Variants in CLDN12 observed in about 807,000 individuals in gnomAD.
CLDN12 encodes the protein claudin 12.
In CLDN12, 9 loss-of-function variants were observed where a neutral mutation model predicts 15.5. The ratio of observed to expected loss-of-function variants is 0.58; its 90% CI spans 0.35 to 1.02. The LOEUF (loss-of-function observed/expected upper bound fraction) is 1.02. Among genes scored for constraint, CLDN12 ranks in the 50% least tolerant of loss-of-function variants. The pLI, the probability that CLDN12 is intolerant of heterozygous loss-of-function variation, is 0.02. For missense variants in CLDN12, 233 were observed against 297.3 expected (o/e 0.78, Z 1.59); for synonymous variants, 140 against 121.6 (o/e 1.15, Z -1.00).
At chr7:90,405,809 T>G (rs1796823755) in intron 2 of CLDN12, 1 of 152,194 alleles carries the variant, frequency 6.6e-6, no homozygotes, top group Non-Finnish European at 1.5e-5. Flanking sequence ...CCATCAAGAA[T>G]TAAGTTAGGG....
Position 90,403,513 on chromosome 7 carries a change from G to T in CLDN12, c.-203G>T, listed in dbSNP as rs926736878. On this transcript the variant is annotated 5_prime_UTR_variant, in exon 1 of 4. Transcript: ENST00000496677. ...GGGAGACGCTCCAAGAGGCTCCTCA[G>T]TGTGGGCGAGTAAAATGCCCTGCGT... 3 of 152,234 alleles carry T rather than the reference G, an allele frequency of 2.0e-5. No individual in the cohort carries two copies. Among genetic ancestry groups the T allele is most frequent in the African/African-American group, 7.2e-5 (3 of 41,456 alleles). 9.4% of individuals were successfully genotyped at this position (152,234 alleles called of 1,614,324 possible). A position where few individuals can be genotyped will look rare whatever the true frequency, so the allele number is the denominator to read the frequency against.
At position 90,413,984 on chromosome 7, in the gene CLDN12, G is replaced by C. The variant is rs1205265446; in HGVS notation, c.*573G>C. On this transcript the variant is annotated 3_prime_UTR_variant, in exon 4 of 4. Coordinates refer to ENST00000496677, the MANE Select transcript of CLDN12 (RefSeq NM_001185072.3). The stretch of plus-strand genomic sequence containing the variant: ...TTCTACCTCATGCCACTGTTTAAAA[G>C]TAAAACGTATTTTAACGATGTTAGA... The C allele has an allele frequency of 2.0e-6, 2 of 981,350 alleles. No individual in the cohort carries two copies. Among genetic ancestry groups the C allele is most frequent in the African/African-American group, 3.5e-5 (2 of 56,864 alleles). The allele number at this position is 981,350 out of a possible 1,614,324, so 60.8% of individuals were successfully genotyped here.
chr7:90,405,036 G>T (rs1411738282), intron 1 of CLDN12, among the ~76,000 whole-genome samples: 1 of 151,880 alleles, frequency 6.6e-6, no homozygotes, highest in Non-Finnish European at 1.5e-5. Flanking sequence ...GGGACAACAC[G>T]TGTGCACCAT....
In CLDN12 at chr7:90,406,825, A is replaced by G. The variant is rs577903573; in HGVS notation, c.-77+1217A>G. On this transcript the variant is annotated intron_variant, in intron 2 of 3. Transcript: ENST00000496677. ...AGCTCAAAGCTCTCATCCAGCTAGT[A>G]CTCATGACTGCTTGACAGATTTGTT... 3.5e-4 allele frequency among the ~76,000 whole-genome samples: 53 copies of G among 152,268 alleles called. No homozygotes were observed. The Middle Eastern group carries it at 0.01, about 29-fold the overall frequency.
intron 3 of CLDN12, 21 bp from the exon 4 acceptor site, chr7:90,412,623 C>G: frequency 6.4e-7 from 1 of 1,567,092 alleles, no homozygotes; most frequent in South Asian, 1.2e-5. Flanking sequence ...ATGATTTGTC[C>G]TCTTGTGTGT....
intron 2 of CLDN12, 109 bp from the exon 3 acceptor site, chr7:90,411,898 A>G (rs1796971375): frequency 6.6e-6 from 1 of 152,230 alleles, no homozygotes; most frequent in Admixed American, 6.5e-5. Context: ...CACTTGGCAT[A>G]GCATTTGTTG....
At position 90,415,198 on chromosome 7, in the gene CLDN12, T is replaced by C. The variant is rs1176630485; in HGVS notation, c.*1787T>C. ...AGTAGAAAGCACACAAGGTTATGAT[T>C]TTTTTAATTACTGGCTTCTGATTTC... is the stretch of plus-strand genomic sequence containing the variant. On this transcript the variant is annotated 3_prime_UTR_variant, in exon 4 of 4. Coordinates refer to ENST00000496677, the MANE Select transcript of CLDN12 (RefSeq NM_001185072.3). The C allele has an allele frequency of 1.2e-4, 19 of 165,180 alleles. No individual in the cohort carries two copies. 10.2% of individuals were successfully genotyped at this position (165,180 alleles called of 1,614,324 possible).
chr7:90,413,936 G>T lies in CLDN12; in HGVS notation c.*525G>T. The T allele has an allele frequency of 6.0e-6, 6 of 996,472 alleles. No homozygotes were observed. Among genetic ancestry groups the T allele is most frequent in the Non-Finnish European group, 7.3e-6 (6 of 827,166 alleles). 61.7% of individuals were successfully genotyped at this position (996,472 alleles called of 1,614,324 possible). A position where few individuals can be genotyped will look rare whatever the true frequency, so the allele number is the denominator to read the frequency against. On this transcript the variant is annotated 3_prime_UTR_variant, in exon 4 of 4. Transcript: ENST00000496677. The stretch of plus-strand genomic sequence containing the variant: ...TATGAATAGGTGTCAGTATGTTGAA[G>T]ATTACTTTCTTTTGTGACTTTCTTC...
At chr7:90,410,672 AAAAG>A (rs1796940263) in intron 2 of CLDN12, among the ~76,000 whole-genome samples, 1 of 152,120 alleles carries the variant, frequency 6.6e-6, no homozygotes, top group African/African-American at 2.4e-5. Flanking sequence ...CCATGTCTCT[AAAAG>A]AAAGAAAAGA....
Position 90,413,325 on chromosome 7 carries a change from A to G in CLDN12, c.649A>G (p.Met217Val), listed in dbSNP as rs747335564. 4 of 1,614,142 alleles carry G rather than the reference A, an allele frequency of 2.5e-6. No individual in the cohort carries two copies. The Admixed American group carries it at 6.7e-5, about 27-fold the overall frequency. ...WQPLYSHPPS[M>V]HTYSQPYSAR... is the part of the protein sequence containing the mutation. The stretch of plus-strand genomic sequence containing the variant: ...ACCATTGTACTCCCATCCACCCAGT[A>G]TGCATACTTACTCACAGCCCTATTC... Residue 217 changes from methionine (M) to valine (V), a missense_variant, in exon 4 of 4, where the codon ATG (methionine) becomes GTG (valine). Transcript: ENST00000496677.
rs760268284 is a variant in CLDN12, at chr7:90,413,902, G to A, written c.*491G>A. ...CTTAAGGCTGTAACTCTTCTATCGG[G>A]GCTAATTGTATGAATAGGTGTCAGT... On this transcript the variant is annotated 3_prime_UTR_variant, in exon 4 of 4. Transcript: ENST00000496677. 3 of 998,434 alleles carry A rather than the reference G, an allele frequency of 3.0e-6. No individual in the cohort carries two copies. Among genetic ancestry groups the A allele is most frequent in the Non-Finnish European group, 3.6e-6 (3 of 828,974 alleles). 61.8% of individuals were successfully genotyped at this position (998,434 alleles called of 1,614,324 possible). A position where few individuals can be genotyped will look rare whatever the true frequency, so the allele number is the denominator to read the frequency against.
At position 90,412,901 on chromosome 7, in the gene CLDN12, C is replaced by A; in HGVS notation, c.225C>A (p.Tyr75Ter). Residue 75 changes from tyrosine (Y) to a stop codon, truncating the protein, a stop_gained, in exon 4 of 4, where the codon TAC becomes TAA. Transcript: ENST00000496677. LOFTEE classifies it high-confidence loss of function. Reference sequence around the variant, plus strand: ...GCCTGATGTACGACACTACTTGGTACTCATCAGTTGACCAGCTGGACCTGC... The same window carrying A: ...GCCTGATGTACGACACTACTTGGTAATCATCAGTTGACCAGCTGGACCTGC... ...SDCLMYDTTW[Y>*]SSVDQLDLRV... 6.2e-7 allele frequency: 1 copy of A among 1,614,210 alleles called. No individual in the cohort carries two copies. Among genetic ancestry groups the A allele is most frequent in the Non-Finnish European group, 8.5e-7 (1 of 1,180,044 alleles).
At chr7:90,407,016 A>T (rs1392889086) in intron 2 of CLDN12, among the ~76,000 whole-genome samples, 1 of 152,142 alleles carries the variant, frequency 6.6e-6, no homozygotes, top group Non-Finnish European at 1.5e-5. Context: ...CTAATTCATG[A>T]CATACCTGTT....
In CLDN12 at chr7:90,413,099, C is replaced by T; in HGVS notation, c.423C>T (p.Phe141=). The part of the protein sequence containing the change: ...GCHLVAGLLF[F]LAGTVSLSPS... ...ACCTGGTGGCTGGGCTGCTATTTTTCCTGGCAGGTACTGTGAGCCTCTCCC... is the reference window on the plus strand; with the variant it reads ...ACCTGGTGGCTGGGCTGCTATTTTTTCTGGCAGGTACTGTGAGCCTCTCCC... The change falls in exon 4 of 4, where the codon TTC becomes TTT. Residue 141 remains phenylalanine, a synonymous_variant. Coordinates refer to ENST00000496677, the MANE Select transcript of CLDN12 (RefSeq NM_001185072.3). The T allele has an allele frequency of 6.2e-7, 1 of 1,614,192 alleles. No homozygotes were observed. The highest frequency in any genetic ancestry group is 8.5e-7 in the Non-Finnish European group (1 of 1,180,030).
At position 90,413,229 on chromosome 7, in the gene CLDN12, C is replaced by A; in HGVS notation, c.553C>A (p.Leu185Met). ...VYVTIASAGG[L>M]FMTSLILFIW... ...TGTCACTATTGCTAGTGCTGGGGGC[C>A]TGTTTATGACTTCCCTTATACTATT... Residue 185 changes from leucine to methionine, a missense_variant, in exon 4 of 4, where the codon CTG becomes ATG. Transcript: ENST00000496677. 1 of 1,614,128 alleles carries A rather than the reference C, an allele frequency of 6.2e-7. No homozygotes were observed. The highest frequency in any genetic ancestry group is 8.5e-7 in the Non-Finnish European group (1 of 1,179,998).
In CLDN12 at chr7:90,413,548, A is replaced by G; in HGVS notation, c.*137A>G. 2.8e-6 allele frequency: 4 copies of G among 1,450,328 alleles called. No individual in the cohort carries two copies. Among genetic ancestry groups the G allele is most frequent in the Non-Finnish European group, 3.6e-6 (4 of 1,101,798 alleles). 89.8% of individuals were successfully genotyped at this position (1,450,328 alleles called of 1,614,324 possible). ...AGCCAAATTTATATGTCCTAGTAGA[A>G]TGAAGTGCTGCTAGTTTTTATGAGA... On this transcript the variant is annotated 3_prime_UTR_variant, in exon 4 of 4. Coordinates refer to ENST00000496677, the MANE Select transcript of CLDN12 (RefSeq NM_001185072.3).
chr7:90,405,629 T>C (rs905259000), intron 2 of CLDN12, 21 bp downstream of exon 2: 4 of 152,238 alleles, frequency 2.6e-5, no homozygotes. Flanking sequence ...CCTTTAATTA[T>C]ATCTTATTTC....
intron 3 of CLDN12, 168 bp downstream of exon 3, chr7:90,412,217 G>A (rs1796978360): frequency 1.2e-5 from 2 of 161,020 alleles, no homozygotes; most frequent in Admixed American, 6.1e-5. Flanking sequence ...AATTTGTGGT[G>A]TTTGTAGCTA....
At chr7:90,407,547 G>A (rs564961094) in intron 2 of CLDN12, among the ~76,000 whole-genome samples, 10 of 152,198 alleles carry the variant, frequency 6.6e-5, no homozygotes, top group South Asian at 6.2e-4. Context: ...GCAAATAATC[G>A]AGTGCCTTTT....
Sources: allele counts gnomAD v4.1 joint callset (sites outside exome capture counted in the v4.1 genomes callset), GRCh38; gene constraint gnomAD v4.1.1; transcripts MANE v1.5; gene names NCBI Gene and HGNC (gene_info 2026-07-23, HGNC 2026-07-21).